Variants in DAB1 observed in about 807,000 individuals in gnomAD.
DAB1 encodes the protein disabled homolog 1.
In DAB1, 15 loss-of-function variants were observed where a neutral mutation model predicts 64.6. The observed-to-expected ratio is 0.23, with a 90% CI of 0.16 to 0.36. DAB1 has a LOEUF of 0.36. Ranked by LOEUF, DAB1 falls within the 10% of genes least tolerant of loss-of-function variation. DAB1 has a pLI of 1.00. For synonymous variants in DAB1, 235 were observed against 251.9 expected (o/e 0.93, Z 0.64); for missense variants, 596 against 706.7 (o/e 0.84, Z 1.78).
At chr1:58,464,425 T>G (rs976909039) in intron 3 of DAB1, among the ~76,000 whole-genome samples, 3 of 152,124 alleles carry the variant, frequency 2.0e-5, no homozygotes, top group Non-Finnish European at 2.9e-5. Context: ...CCCCTGTCCT[T>G]GAGGTTTTTA....
intron 6 of DAB1, among the ~76,000 whole-genome samples, chr1:57,737,345 A>G (rs963586900): frequency 2.0e-5 from 3 of 152,180 alleles, no homozygotes; most frequent in African/African-American, 7.2e-5. Context: ...CCGGAATATC[A>G]TGTCACAGTT....
chr1:57,335,411 G>C (rs1677002127), intron 1 of DAB1, among the ~76,000 whole-genome samples: 1 of 152,202 alleles, frequency 6.6e-6, no homozygotes, highest in Admixed American at 6.5e-5. Context: ...TACAGCATTA[G>C]ATTTTGCTTG....
intron 2 of DAB1, among the ~76,000 whole-genome samples, chr1:57,269,769 G>C (rs1670853601): frequency 6.6e-6 from 1 of 152,124 alleles, no homozygotes; most frequent in African/African-American, 2.4e-5. Context: ...TTCATGTTAG[G>C]GAGTGACTGG....
chr1:57,497,994 T>G (rs889113675), intron 7 of DAB1, among the ~76,000 whole-genome samples: 1 of 152,088 alleles, frequency 6.6e-6, no homozygotes, highest in African/African-American at 2.4e-5. Context: ...GAAGCAACAG[T>G]GGTTTGTACA....
chr1:57,659,130 A>G (rs1177337081), intron 6 of DAB1, among the ~76,000 whole-genome samples: 1 of 152,112 alleles, frequency 6.6e-6, no homozygotes, highest in African/African-American at 2.4e-5. Context: ...AGTCCCCACC[A>G]CAGGGCCGCC....
At chr1:57,810,919 G>A (rs1651588105) in intron 6 of DAB1, among the ~76,000 whole-genome samples, 1 of 152,214 alleles carries the variant, frequency 6.6e-6, no homozygotes, top group Non-Finnish European at 1.5e-5. Context: ...GGTGTTAGTA[G>A]GACTATTTCC....
chr1:57,297,096 G>C (rs1308741208), intron 1 of DAB1, among the ~76,000 whole-genome samples: 1 of 152,080 alleles, frequency 6.6e-6, no homozygotes, highest in Non-Finnish European at 1.5e-5. Context: ...TTCTGGCCAG[G>C]AATCTAATCA....
At chr1:58,435,892 G>A (rs968841240) in intron 3 of DAB1, among the ~76,000 whole-genome samples, 1 of 152,210 alleles carries the variant, frequency 6.6e-6, no homozygotes, top group Admixed American at 6.5e-5. Flanking sequence ...GATTGCTGAT[G>A]AGCAGAGAAA....
intron 5 of DAB1, among the ~76,000 whole-genome samples, chr1:57,968,308 T>C (rs944666053): frequency 1.3e-5 from 2 of 152,106 alleles, no homozygotes; most frequent in African/African-American, 4.8e-5. Flanking sequence ...TTTTCTTCCA[T>C]CCCTTTTTAA....
chr1:58,380,341 G>A lies in DAB1; in HGVS notation n.258-36938C>T, dbSNP rs112750485. Among the ~76,000 whole-genome samples, 593 of 152,324 alleles carry A rather than the reference G, an allele frequency of 3.9e-3. 4 individuals are homozygous for A. The highest frequency in any genetic ancestry group is 0.014 in the African/African-American group (568 of 41,582). ...TCTCTCACCTGCCTCCACGTAAGAC[G>A]TGCCTTGCTTTCCCATTCACCTTCC... On this transcript the variant is annotated intron_variant and non_coding_transcript_variant, in intron 3 of 20. Transcript: ENST00000485760.
At chr1:57,790,651 T>C (rs1482316585) in intron 6 of DAB1, among the ~76,000 whole-genome samples, 1 of 152,102 alleles carries the variant, frequency 6.6e-6, no homozygotes, top group African/African-American at 2.4e-5. Context: ...TGACATCTGG[T>C]ATCAGATGGG....
At chr1:57,109,006 C>T (rs891968313) in intron 4 of DAB1, among the ~76,000 whole-genome samples, 1 of 152,176 alleles carries the variant, frequency 6.6e-6, no homozygotes, top group African/African-American at 2.4e-5. Context: ...AATACCGTCC[C>T]TAGCTAACTC....
intron 5 of DAB1, among the ~76,000 whole-genome samples, chr1:58,063,126 C>T (rs568651416): frequency 6.6e-6 from 1 of 152,228 alleles, no homozygotes; most frequent in African/African-American, 2.4e-5. Flanking sequence ...TCCGAAGAGG[C>T]CCATTCCATT....
chr1:57,651,924 T>C (rs999399347), intron 6 of DAB1, among the ~76,000 whole-genome samples: 1 of 152,156 alleles, frequency 6.6e-6, no homozygotes, highest in Non-Finnish European at 1.5e-5. Flanking sequence ...TCTTCTTGCC[T>C]TTAGTCTTCA....
chr1:57,958,648 C>A (rs568205231), intron 5 of DAB1, among the ~76,000 whole-genome samples: 1 of 152,126 alleles, frequency 6.6e-6, no homozygotes. Flanking sequence ...GTGGCTTAAA[C>A]AACAGAAATG....
In DAB1 at chr1:58,474,965, T is replaced by A. The variant is rs561030193; in HGVS notation, n.257+31095A>T. Among the ~76,000 whole-genome samples, 11 of 152,288 alleles carry A rather than the reference T, an allele frequency of 7.2e-5. No homozygotes were observed. In the South Asian group the frequency reaches 2.3e-3, roughly 32 times the overall value. ...TTAAAAGGAGAGGAAGGTTGTAGAA[T>A]CTTGCCTTAATAGGGCTCAACAAAT... On this transcript the variant is annotated intron_variant and non_coding_transcript_variant, in intron 3 of 20. Transcript: ENST00000485760.
intron 1 of DAB1, among the ~76,000 whole-genome samples, chr1:57,396,556 T>G (rs1682825039): frequency 6.6e-6 from 1 of 152,204 alleles, no homozygotes; most frequent in Non-Finnish European, 1.5e-5. Context: ...TAGCAATTTA[T>G]CCAGAGATAT....
intron 7 of DAB1, among the ~76,000 whole-genome samples, chr1:57,527,827 T>C (rs1328018983): frequency 1.3e-5 from 2 of 152,168 alleles, no homozygotes; most frequent in South Asian, 2.1e-4. Context: ...TTTTGATAAA[T>C]TCGTGCTGAC....
At chr1:58,498,714 T>C (rs114941043) in intron 3 of DAB1, among the ~76,000 whole-genome samples, 1,696 of 152,312 alleles carry the variant, frequency 0.011, 29 homozygotes, top group African/African-American at 0.038. Flanking sequence ...TTGTAACATA[T>C]TACAGTTTCC....
Sources: gnomAD v4.1 joint callset for allele counts (sites outside exome capture counted in the v4.1 genomes callset) on GRCh38, gnomAD v4.1.1 for gene constraint, MANE v1.5 for transcripts, NCBI Gene and HGNC (gene_info 2026-07-23, HGNC 2026-07-21) for gene names.